Variants in AFDN observed in about 807,000 individuals in gnomAD.
AFDN encodes afadin.
AFDN carries 68 observed loss-of-function variants against 216.6 expected under a neutral mutation model. That is an observed-to-expected ratio of 0.31 (90% CI 0.26 to 0.38). The LOEUF (loss-of-function observed/expected upper bound fraction) is 0.38. Ranked by LOEUF, AFDN falls within the 10% of genes least tolerant of loss-of-function variation. AFDN has a pLI of 1.00. For synonymous variants in AFDN, 868 were observed against 853.7 expected (o/e 1.02, Z -0.29); for missense variants, 2,136 against 2,342.0 (o/e 0.91, Z 1.82).
chr6:167,893,503 T>C (rs1282044682), intron 8 of AFDN, among the ~76,000 whole-genome samples: 1 of 152,108 alleles, frequency 6.6e-6, no homozygotes, highest in Non-Finnish European at 1.5e-5. Flanking sequence ...ATACATTATT[T>C]CGTTCTTTGC....
chr6:167,839,659 C>T (rs1780833772), intron 1 of AFDN, among the ~76,000 whole-genome samples: 1 of 152,154 alleles, frequency 6.6e-6, no homozygotes, highest in Non-Finnish European at 1.5e-5. Flanking sequence ...ACATGTGTTC[C>T]TTTCTGTCTC....
intron 1 of AFDN, among the ~76,000 whole-genome samples, chr6:167,851,459 G>A (rs1782296919): frequency 1.3e-5 from 2 of 152,160 alleles, no homozygotes; most frequent in Admixed American, 1.3e-4. Context: ...GTCCCAATGT[G>A]TTGTTCGCCT....
upstream of AFDN, chr6:167,826,757 C>T (rs931809986): frequency 3.3e-5 from 12 of 359,800 alleles, no homozygotes; most frequent in Admixed American, 2.9e-4. Flanking sequence ...CCTCCGACAC[C>T]TCCCTCCCTG....
At chr6:167,965,335 T>C (rs1562353784) in intron 31 of AFDN, among the ~76,000 whole-genome samples, 2 of 152,216 alleles carry the variant, frequency 1.3e-5, no homozygotes, top group Non-Finnish European at 2.9e-5. Context: ...AGTGACAGCC[T>C]ATTTTTAGTT....
At chr6:167,903,981 C>T (rs751068587) in intron 12 of AFDN, among the ~76,000 whole-genome samples, 2 of 152,198 alleles carry the variant, frequency 1.3e-5, no homozygotes, top group Non-Finnish European at 2.9e-5. Flanking sequence ...CTATAAACCA[C>T]CTAGTAGTGG....
At chr6:167,944,265 C>G (rs372316389) in intron 26 of AFDN, among the ~76,000 whole-genome samples, 1 of 152,162 alleles carries the variant, frequency 6.6e-6, no homozygotes, top group African/African-American at 2.4e-5. Context: ...ACCAGGACCC[C>G]TCCCTGTCAC....
chr6:167,922,784 G>T lies in AFDN; in HGVS notation c.2909-72G>T. ...CCGTGTGTTGGATATTAAGCAATTG[G>T]TAATTAATCTTGCTTCCTTTATCTT... On this transcript the variant is annotated intron_variant, in intron 21 of 33. Transcript: ENST00000683244. The T allele has an allele frequency of 3.1e-6, 3 of 975,112 alleles. 1 individual carries two copies. In the South Asian group the frequency reaches 4.3e-5, roughly 14 times the overall value. 60.4% of individuals were successfully genotyped at this position (975,112 alleles called of 1,614,324 possible). A position where few individuals can be genotyped will look rare whatever the true frequency, so the allele number is the denominator to read the frequency against.
Position 167,951,973 on chromosome 6 carries a change from T to C in AFDN, c.4619T>C (p.Val1540Ala), listed in dbSNP as rs778920200. 6.2e-7 allele frequency: 1 copy of C among 1,614,102 alleles called. No homozygotes were observed. Among genetic ancestry groups the C allele is most frequent in the South Asian group, 1.1e-5 (1 of 91,076 alleles). The change falls in exon 30 of 34, where the codon GTG (valine) becomes GCG (alanine). Residue 1540 changes from valine to alanine, a missense_variant. Coordinates refer to ENST00000683244, the MANE Select transcript of AFDN (RefSeq NM_001386888.1). This position sits in a 1 kb window ranked among gnomAD's most constrained non-coding sequence, Gnocchi z 7.1. The part of the protein sequence containing the change: ...KLEKQQQMHI[V>A]DMLSKEIQEL... ...GAGAAGCAGCAGCAGATGCACATCG[T>C]GGACATGCTGAGCAAGGAGATCCAG...
intron 1 of AFDN, among the ~76,000 whole-genome samples, chr6:167,837,095 TGTTA>T (rs1444080227): frequency 2.0e-5 from 3 of 152,202 alleles, no homozygotes; most frequent in African/African-American, 7.2e-5. Flanking sequence ...TTCATGACAT[TGTTA>T]GTTTTGAGAA....
At chr6:167,904,695 C>G (rs1426945766) in intron 12 of AFDN, among the ~76,000 whole-genome samples, 27 of 152,148 alleles carry the variant, frequency 1.8e-4, no homozygotes, top group Admixed American at 1.8e-3. Flanking sequence ...TTCCCCGTTC[C>G]CAGTTGGTCC....
intron 1 of AFDN, among the ~76,000 whole-genome samples, chr6:167,835,165 T>G (rs1364128930): frequency 6.6e-6 from 1 of 152,240 alleles, no homozygotes; most frequent in Non-Finnish European, 1.5e-5. Context: ...ATATCACCAC[T>G]GATCTCATCA....
intron 30 of AFDN, among the ~76,000 whole-genome samples, chr6:167,960,192 T>G (rs902221234): frequency 6.6e-6 from 1 of 152,156 alleles, no homozygotes; most frequent in African/African-American, 2.4e-5. Context: ...CAATTTATGT[T>G]TTGGAGATGG....
At chr6:167,863,829 C>A (rs561278173) in intron 1 of AFDN, 1 of 517,986 alleles carries the variant, frequency 1.9e-6, no homozygotes. Flanking sequence ...ATCTAAAATG[C>A]GTTCATTGAT....
chr6:167,968,975 A>ATACAATATGAG, intron 32 of AFDN, 139 bp from the exon 33 acceptor site: 1 of 655,136 alleles, frequency 1.5e-6, no homozygotes, highest in Non-Finnish European at 2.7e-6. Flanking sequence ...TGAAACTTTG[A>ATACAATATGAG]TACAATATGA....
At chr6:167,920,510 G>A (rs1166763344) in intron 21 of AFDN, among the ~76,000 whole-genome samples, 2 of 152,036 alleles carry the variant, frequency 1.3e-5, no homozygotes, top group Admixed American at 1.3e-4. Flanking sequence ...CCACACACGG[G>A]TTACTTAGAG....
Position 167,965,793 on chromosome 6 carries a change from G to A in AFDN, c.5005G>A (p.Ala1669Thr). Reference protein sequence around the residue: ...QEEGYYSRLEAERRRQHDEAA... With the variant: ...QEEGYYSRLETERRRQHDEAA... ...AGAAGGGTATTACAGCCGCCTGGAAGCCGAGAGGCGCAGACAGCACGACGA... is the reference window on the plus strand; with the variant it reads ...AGAAGGGTATTACAGCCGCCTGGAAACCGAGAGGCGCAGACAGCACGACGA... The change falls in exon 32 of 34, where the codon GCC becomes ACC. Residue 1669 changes from alanine (A) to threonine (T), a missense_variant. Physicochemically the swap from Ala to Thr is moderately conservative, Grantham distance 58 (BLOSUM62 0). Around this residue, in one of 8 missense-constraint regions of AFDN, gnomAD observed 981 missense variants for 966.0 expected, o/e 1.02. Transcript: ENST00000683244. The A allele has an allele frequency of 6.4e-7, 1 of 1,561,166 alleles. No homozygotes were observed. The highest frequency in any genetic ancestry group is 8.7e-7 in the Non-Finnish European group (1 of 1,154,858).
chr6:167,867,289 C>T (rs1784287121), intron 2 of AFDN, among the ~76,000 whole-genome samples: 2 of 152,190 alleles, frequency 1.3e-5, no homozygotes, highest in South Asian at 4.1e-4. Context: ...TTCAGACTTA[C>T]TGTTCTATCC....
In AFDN at chr6:167,875,488, T is replaced by C. The variant is rs372028467; in HGVS notation, c.732T>C (p.Pro244=). 6 of 1,613,420 alleles carry C rather than the reference T, an allele frequency of 3.7e-6. No individual in the cohort carries two copies. Among genetic ancestry groups the C allele is most frequent in the Non-Finnish European group, 5.1e-6 (6 of 1,179,710 alleles). Residue 244 remains proline (P), a synonymous_variant, in exon 5 of 34, where the codon CCT becomes CCC. Coordinates refer to ENST00000683244, the MANE Select transcript of AFDN (RefSeq NM_001386888.1). ...MQEFRSSDGR[P]DSGGTLRIYA... ...AATTTCGGAGCTCAGATGGGCGGCC[T>C]GATTCAGGTACAACTTGGTATTTTT... is the stretch of plus-strand genomic sequence containing the variant.
At chr6:167,886,603 T>A (rs1786843645) in intron 6 of AFDN, among the ~76,000 whole-genome samples, 1 of 152,170 alleles carries the variant, frequency 6.6e-6, no homozygotes, top group Admixed American at 6.5e-5. Flanking sequence ...TATGATTGTA[T>A]ATATAAGAGA....
Sources: gnomAD v4.1 joint callset for allele counts (sites outside exome capture counted in the v4.1 genomes callset) on GRCh38, gnomAD v4.1.1 for gene constraint, gnomAD v4.1.1 regional missense constraint, Gnocchi (gnomAD v3.1) non-coding constraint, MANE v1.5 for transcripts, NCBI Gene and HGNC (gene_info 2026-07-23, HGNC 2026-07-21) for gene names.